SLC17A8: variants seen among roughly 807,000 people sequenced by gnomAD.
SLC17A8 encodes solute carrier family 17 member 8.
SLC17A8 carries 31 observed loss-of-function variants against 58.0 expected under a neutral mutation model. The ratio of observed to expected loss-of-function variants is 0.53; its 90% CI spans 0.40 to 0.72. The LOEUF is 0.72. SLC17A8 is among the 30% of genes least tolerant of loss of function. The probability of loss-of-function intolerance (pLI) is 0.00; values close to 1 mark genes in which losing one functional copy is unlikely to be tolerated. For missense variants in SLC17A8, 655 were observed against 727.8 expected (o/e 0.90, Z 1.15); for synonymous variants, 228 against 249.0 (o/e 0.92, Z 0.79).
intron 1 of SLC17A8, among the ~76,000 whole-genome samples, chr12:100,359,839 A>G (rs1270291727): frequency 1.3e-5 from 2 of 152,230 alleles, no homozygotes; most frequent in Non-Finnish European, 2.9e-5. Flanking sequence ...CTTTTCACGT[A>G]AAACCAGTTG....
rs1952947783 is a variant in SLC17A8, at chr12:100,421,482, C to T, written c.*1323C>T. ...AAAATTCACCTTTGATTGCATAAGG[C>T]AATTACATGGATACTTTTAGATATA... On this transcript the variant is annotated 3_prime_UTR_variant, in exon 12 of 12. Transcript: ENST00000323346. 1 of 152,052 alleles carries T rather than the reference C, an allele frequency of 6.6e-6. No homozygotes were observed. The highest frequency in any genetic ancestry group is 1.5e-5 in the Non-Finnish European group (1 of 67,998). The allele number at this position is 152,052 out of a possible 1,614,324, so 9.4% of individuals were successfully genotyped here. A position where few individuals can be genotyped will look rare whatever the true frequency, so the allele number is the denominator to read the frequency against.
At chr12:100,371,709 G>T (rs1037104538) in intron 1 of SLC17A8, among the ~76,000 whole-genome samples, 5 of 152,026 alleles carry the variant, frequency 3.3e-5, no homozygotes, top group African/African-American at 2.4e-5. Flanking sequence ...CAGCACACCC[G>T]GCTAACTTTT....
chr12:100,409,452 C>T (rs1009361951), intron 9 of SLC17A8, among the ~76,000 whole-genome samples: 1 of 152,164 alleles, frequency 6.6e-6, no homozygotes, highest in Non-Finnish European at 1.5e-5. Flanking sequence ...TCCCAAAGAG[C>T]TGGAATTATA....
intron 1 of SLC17A8, among the ~76,000 whole-genome samples, chr12:100,369,468 A>G (rs1952544426): frequency 6.6e-6 from 1 of 152,164 alleles, no homozygotes; most frequent in Non-Finnish European, 1.5e-5. Flanking sequence ...TGTTCCAGAA[A>G]TTCTGCCACA....
intron 1 of SLC17A8, among the ~76,000 whole-genome samples, chr12:100,369,712 G>C (rs1046984099): frequency 9.9e-5 from 15 of 152,136 alleles, no homozygotes; most frequent in African/African-American, 3.6e-4. Context: ...TGTTTTTGCT[G>C]CTCCAGCAAG....
Position 100,397,212 on chromosome 12 carries a change from AT to A in SLC17A8, c.676+796del, listed in dbSNP as rs1593001091. Among the ~76,000 whole-genome samples, 5 of 152,268 alleles carry A rather than the reference AT, an allele frequency of 3.3e-5. No homozygotes were observed. The East Asian group carries it at 9.7e-4, about 29-fold the overall frequency. ...ATTTGCTAAGGACAAAAGTGGAAAGATGGGATCATCAAGCATCCCACGCCTC... is the reference window on the plus strand; with the variant it reads ...ATTTGCTAAGGACAAAAGTGGAAAGAGGGATCATCAAGCATCCCACGCCTC... On this transcript the variant is annotated intron_variant, in intron 5 of 11. Coordinates refer to ENST00000323346, the MANE Select transcript of SLC17A8 (RefSeq NM_139319.3).
chr12:100,388,967 T>TG (rs1952695011), intron 2 of SLC17A8, among the ~76,000 whole-genome samples: 1 of 152,188 alleles, frequency 6.6e-6, no homozygotes, highest in South Asian at 2.1e-4. Context: ...TGGATGTCCA[T>TG]TCACTGAAGA....
Position 100,419,818 on chromosome 12 carries a change from C to A in SLC17A8, c.1429C>A (p.Arg477Ser). Residue 477 changes from arginine to serine, a missense_variant, in exon 12 of 12, where the codon CGT (arginine) becomes AGT (serine). By Grantham distance (110) the Arg-to-Ser change is moderately radical. Coordinates refer to ENST00000323346, the MANE Select transcript of SLC17A8 (RefSeq NM_139319.3). ...IVGAMTRHKTREEWQNVFLIA... is the reference protein window; with the variant it reads ...IVGAMTRHKTSEEWQNVFLIA... ...GGCACTTTATTTCCTTATTTAGACC[C>A]GTGAAGAATGGCAGAATGTGTTCCT... 1 of 1,613,148 alleles carries A rather than the reference C, an allele frequency of 6.2e-7. No individual in the cohort carries two copies. The highest frequency in any genetic ancestry group is 8.5e-7 in the Non-Finnish European group (1 of 1,179,868).
rs1952799071 is a variant in SLC17A8, at chr12:100,402,497, GA to G, written c.903+19del. 1.2e-6 allele frequency: 2 copies of G among 1,613,742 alleles called. No individual in the cohort carries two copies. On this transcript the variant is annotated intron_variant, in intron 7 of 11. Coordinates refer to ENST00000323346, the MANE Select transcript of SLC17A8 (RefSeq NM_139319.3). ...GTCTAAGTGTAAGTATAAAAAGTCA[GA>G]TGAAGACTTACCTTTTTTCATAAGT...
intron 4 of SLC17A8, 131 bp downstream of exon 4, chr12:100,393,614 A>T: frequency 1.4e-6 from 1 of 695,352 alleles, no homozygotes; most frequent in Non-Finnish European, 2.6e-6. Flanking sequence ...TGCTGTTTCC[A>T]TTCTCTGGTA....
chr12:100,357,327 A>G lies in SLC17A8; in HGVS notation c.-65A>G. 1 of 926,832 alleles carries G rather than the reference A, an allele frequency of 1.1e-6. No individual in the cohort carries two copies. The highest frequency in any genetic ancestry group is 1.3e-5 in the South Asian group (1 of 77,126). 57.4% of individuals were successfully genotyped at this position (926,832 alleles called of 1,614,324 possible). On this transcript the variant is annotated 5_prime_UTR_variant, in exon 1 of 12. Transcript: ENST00000323346. ...GGAAACAAGGTGGTTCTCACACTGGAAATGAGGAAGGATGACAGTTTTTGA... is the reference window on the plus strand; with the variant it reads ...GGAAACAAGGTGGTTCTCACACTGGGAATGAGGAAGGATGACAGTTTTTGA...
At chr12:100,387,141 A>G (rs7485480) in intron 2 of SLC17A8, among the ~76,000 whole-genome samples, 112,533 of 152,132 alleles carry the variant, frequency 0.74, 42,042 homozygotes, top group East Asian at 0.95. Context: ...GGATTGCTAA[A>G]TCATACATTC....
At chr12:100,360,077 C>T (rs1428371647) in intron 1 of SLC17A8, among the ~76,000 whole-genome samples, 3 of 152,124 alleles carry the variant, frequency 2.0e-5, no homozygotes, top group Non-Finnish European at 2.9e-5. Context: ...TTTGAGAGTT[C>T]GCACACAGGC....
intron 3 of SLC17A8, among the ~76,000 whole-genome samples, chr12:100,391,450 G>A (rs1284792394): frequency 6.9e-6 from 1 of 144,168 alleles, no homozygotes; most frequent in Non-Finnish European, 1.5e-5. Context: ...GATTAAAAGT[G>A]TGCACCACTA....
At chr12:100,378,004 GT>G (rs1321121004) in intron 1 of SLC17A8, among the ~76,000 whole-genome samples, 3 of 152,136 alleles carry the variant, frequency 2.0e-5, no homozygotes, top group Non-Finnish European at 2.9e-5. Context: ...GACATGTTAA[GT>G]TTAAGCTGCC....
At chr12:100,371,463 A>G (rs538969990) in intron 1 of SLC17A8, among the ~76,000 whole-genome samples, 1 of 152,336 alleles carries the variant, frequency 6.6e-6, no homozygotes, top group Non-Finnish European at 1.5e-5. Flanking sequence ...GCACACTGGT[A>G]GCAATAGGCT....
At chr12:100,375,312 G>C (rs970537914) in intron 1 of SLC17A8, among the ~76,000 whole-genome samples, 4 of 151,994 alleles carry the variant, frequency 2.6e-5, no homozygotes, top group African/African-American at 9.7e-5. Flanking sequence ...GGGAAAATGG[G>C]GAAGGAGCTG....
rs2136022227 is a variant in SLC17A8 at position 100,422,046 on chromosome 12, A to G, written c.*1887A>G. 1 of 152,308 alleles carries G rather than the reference A, an allele frequency of 6.6e-6. No individual in the cohort carries two copies. Among genetic ancestry groups the G allele is most frequent in the Middle Eastern group, 3.4e-3 (1 of 294 alleles). The allele number at this position is 152,308 out of a possible 1,614,324, so 9.4% of individuals were successfully genotyped here. A position where few individuals can be genotyped will look rare whatever the true frequency, so the allele number is the denominator to read the frequency against. On this transcript the variant is annotated 3_prime_UTR_variant, in exon 12 of 12. Coordinates refer to ENST00000323346, the MANE Select transcript of SLC17A8 (RefSeq NM_139319.3). ...TTTTCTAAGTAAAATAAAAAATAAA[A>G]AATTAGCAATTTATGATAGCCAGTG...
Position 100,393,441 on chromosome 12 carries a change from C to T in SLC17A8, c.546C>T (p.Tyr182=), listed in dbSNP as rs778435501. ...MFIPSAARVH[Y]GCVMCVRILQ... is the part of the protein sequence containing the mutation. ...TTCCCTCTGCAGCCAGAGTGCATTA[C>T]GGATGCGTCATGTGTGTCAGAATTC... Residue 182 remains tyrosine, a synonymous_variant, in exon 4 of 12, where the codon TAC becomes TAT. Transcript: ENST00000323346. The T allele has an allele frequency of 6.8e-6, 11 of 1,613,614 alleles. No individual in the cohort carries two copies. Among genetic ancestry groups the T allele is most frequent in the East Asian group, 4.5e-5 (2 of 44,834 alleles).
Sources: allele counts gnomAD v4.1 joint callset (sites outside exome capture counted in the v4.1 genomes callset), GRCh38; gene constraint gnomAD v4.1.1; transcripts MANE v1.5; gene names NCBI Gene and HGNC (gene_info 2026-07-23, HGNC 2026-07-21).